The following TPPP2 variants were observed in gnomAD, a reference collection of about 807,000 sequenced individuals.
TPPP2 encodes tubulin polymerization-promoting protein family member 2.
Under a neutral mutation model 13.0 loss-of-function variants are expected in TPPP2, and 8 were observed. That is an observed-to-expected ratio of 0.62 (90% confidence interval 0.36 to 1.11). The LOEUF is 1.11. Among genes scored for constraint, TPPP2 ranks in the 50% most tolerant of loss-of-function variants. The pLI is 0.02. For synonymous variants in TPPP2, 81 were observed against 81.8 expected (o/e 0.99, Z 0.05); for missense variants, 213 against 216.9 (o/e 0.98, Z 0.11).
chr14:21,026,032 A>T (rs1594464152), upstream of TPPP2, among the ~76,000 whole-genome samples: 1 of 151,878 alleles, frequency 6.6e-6, no homozygotes, highest in East Asian at 2.0e-4. Context: ...CCGGCCCAGA[A>T]TAGGAGACCA....
intron 1 of TPPP2, chr14:21,024,665 T>TC (rs2139020000): frequency 2.0e-6 from 2 of 985,200 alleles, no homozygotes; most frequent in African/African-American, 3.5e-5. Flanking sequence ...TCTCCCGTTC[T>TC]CCCCCGACGG....
In TPPP2 at chr14:21,030,307, A is replaced by G. The variant is rs966790194; in HGVS notation, c.-70+3A>G. Reference sequence around the variant, plus strand: ...GACCACCATCCGGGTACTCTAAGGTACATAAAAGAGGTAGGGGAAAGAGAG... The same window carrying G: ...GACCACCATCCGGGTACTCTAAGGTGCATAAAAGAGGTAGGGGAAAGAGAG... On this transcript the variant is annotated splice_donor_region_variant and intron_variant, in intron 1 of 3. Coordinates refer to ENST00000321760, the MANE Select transcript of TPPP2 (RefSeq NM_173846.5). The G allele has an allele frequency of 7.1e-6, 3 of 424,850 alleles. No individual in the cohort carries two copies. The highest frequency in any genetic ancestry group is 1.3e-5 in the Non-Finnish European group (3 of 230,152). 26.3% of individuals were successfully genotyped at this position (424,850 alleles called of 1,614,324 possible).
downstream of TPPP2, chr14:21,033,358 A>G (rs78511375): frequency 0.03 from 8,286 of 278,680 alleles, 250 homozygotes; most frequent in East Asian, 0.12. Context: ...ATATCCCCTG[A>G]GTAGGTGGGT....
Position 21,032,620 on chromosome 14 carries a change from A to C in TPPP2, c.*543A>C, listed in dbSNP as rs1884301946. The C allele has an allele frequency of 2.9e-6, 1 of 343,192 alleles. No homozygotes were observed. The highest frequency in any genetic ancestry group is 2.2e-5 in the South Asian group (1 of 45,542). The allele number at this position is 343,192 out of a possible 1,614,324, so 21.3% of individuals were successfully genotyped here. On this transcript the variant is annotated 3_prime_UTR_variant, in exon 4 of 4. Coordinates refer to ENST00000321760, the MANE Select transcript of TPPP2 (RefSeq NM_173846.5). ...TTTGTTCCAGAGCTGGGGTAAGGGG[A>C]GAGTCTATTTTCAACACCCAGCCCA...
Position 21,025,105 on chromosome 14 carries a change from C to T in TPPP2, n.236+761C>T, listed in dbSNP as rs1365088848. 4 of 985,326 alleles carry T rather than the reference C, an allele frequency of 4.1e-6. No homozygotes were observed. The highest frequency in any genetic ancestry group is 2.4e-6 in the Non-Finnish European group (2 of 829,944). The allele number at this position is 985,326 out of a possible 1,614,324, so 61.0% of individuals were successfully genotyped here. On this transcript the variant is annotated intron_variant and non_coding_transcript_variant, in intron 1 of 1. Coordinates refer to the TPPP2 transcript ENST00000533755. The surrounding 1 kb of genome is among the most constrained non-coding windows in gnomAD (Gnocchi z 5.1). ...CCCCGGCTCGGGCTTCCCGCAGACCCGCCCCCGGCCCGCCCCAGCCCGCCC... is the reference window on the plus strand; with the variant it reads ...CCCCGGCTCGGGCTTCCCGCAGACCTGCCCCCGGCCCGCCCCAGCCCGCCC...
At chr14:21,033,948 A>T (rs770042282), downstream of TPPP2, 2 of 1,613,946 alleles carry the variant, frequency 1.2e-6, no homozygotes, top group Non-Finnish European at 1.7e-6. Flanking sequence ...TTGGTGGCTC[A>T]GGGAGCAGAC....
downstream of TPPP2, chr14:21,033,604 G>A: frequency 1.7e-6 from 1 of 590,060 alleles, no homozygotes; most frequent in Non-Finnish European, 3.0e-6. Flanking sequence ...GGAGGTGGGG[G>A]CGAAGAGGGG....
downstream of TPPP2, among the ~76,000 whole-genome samples, chr14:21,035,527 C>CA (rs1196843305): frequency 6.6e-6 from 1 of 152,220 alleles, no homozygotes; most frequent in African/African-American, 2.4e-5. Flanking sequence ...TGTTAGTCTG[C>CA]AAGGTGTCTT....
upstream of TPPP2, among the ~76,000 whole-genome samples, chr14:21,029,631 C>G (rs1188588707): frequency 5.9e-5 from 9 of 152,114 alleles, no homozygotes; most frequent in African/African-American, 1.9e-4. Flanking sequence ...AAATAAAATC[C>G]TAACTCCCAA....
chr14:21,030,531 C>T lies in TPPP2; in HGVS notation c.-51C>T, dbSNP rs775780442. The stretch of plus-strand genomic sequence containing the variant: ...TCCACAGTCCTCCCTCCCCCTTCTC[C>T]TTCACCCCCAAGTGTCTCCCACGAC... On this transcript the variant is annotated 5_prime_UTR_variant, in exon 2 of 4. Coordinates refer to ENST00000321760, the MANE Select transcript of TPPP2 (RefSeq NM_173846.5). 1 of 1,583,710 alleles carries T rather than the reference C, an allele frequency of 6.3e-7. No homozygotes were observed. The highest frequency in any genetic ancestry group is 1.2e-5 in the South Asian group (1 of 85,654).
At chr14:21,035,454 C>G (rs1884558756), downstream of TPPP2, among the ~76,000 whole-genome samples, 1 of 152,240 alleles carries the variant, frequency 6.6e-6, no homozygotes, top group South Asian at 2.1e-4. Context: ...TCATCAGAAT[C>G]AAAGAGCCAG....
At chr14:21,034,272 G>A (rs113995906), downstream of TPPP2, 25,933 of 1,611,602 alleles carry the variant, frequency 0.016, 304 homozygotes, top group Middle Eastern at 0.031. Flanking sequence ...AAGGAGCCGG[G>A]TCACAGCTGG....
upstream of TPPP2, among the ~76,000 whole-genome samples, chr14:21,026,530 C>T (rs1368833573): frequency 6.6e-6 from 1 of 151,092 alleles, no homozygotes; most frequent in Admixed American, 6.6e-5. Flanking sequence ...TCACCACCCG[C>T]AATACCCCTC....
At chr14:21,032,894 G>A (rs975339700), downstream of TPPP2, 16 of 454,022 alleles carry the variant, frequency 3.5e-5, no homozygotes, top group East Asian at 2.8e-4. Context: ...GAGGGGGCTC[G>A]TGTGCCCTTC....
intron 1 of TPPP2, chr14:21,024,720 G>A (rs1288773214): frequency 1.0e-6 from 1 of 985,326 alleles, no homozygotes; most frequent in Non-Finnish European, 1.2e-6. Context: ...TAGGACAGAG[G>A]AGACCGGCCG....
chr14:21,031,970 G>C lies in TPPP2; in HGVS notation c.406G>C (p.Glu136Gln), dbSNP rs140852840. ...YTGTHKERFD[E>Q]SGKGKGIAGR... Reference sequence around the variant, plus strand: ...CGGCACCCACAAGGAGCGCTTTGATGAGAGTGGCAAGGGCAAGGGCATTGC... The same window carrying C: ...CGGCACCCACAAGGAGCGCTTTGATCAGAGTGGCAAGGGCAAGGGCATTGC... The change falls in exon 4 of 4, where the codon GAG becomes CAG. Residue 136 changes from glutamate (E) to glutamine (Q), a missense_variant. By Grantham distance (29) the Glu-to-Gln change is conservative (BLOSUM62 2). Coordinates refer to ENST00000321760, the MANE Select transcript of TPPP2 (RefSeq NM_173846.5). 3.3e-4 allele frequency: 528 copies of C among 1,614,202 alleles called. 1 individual carries two copies. The highest frequency in any genetic ancestry group is 4.1e-4 in the Non-Finnish European group (481 of 1,180,034).
At chr14:21,026,091 C>T (rs1210783060), upstream of TPPP2, among the ~76,000 whole-genome samples, 2 of 152,046 alleles carry the variant, frequency 1.3e-5, no homozygotes, top group African/African-American at 4.8e-5. Flanking sequence ...TCAGGGTCTG[C>T]CGCGTCCCTC....
At chr14:21,036,294 T>G (rs1034698487), downstream of TPPP2, 6 of 456,004 alleles carry the variant, frequency 1.3e-5, no homozygotes, top group Admixed American at 2.4e-5. Flanking sequence ...TGTGATCCCT[T>G]CTTTCGTCTA....
rs762503372 is a variant in TPPP2, at chr14:21,030,553, C to G, written c.-29C>G. On this transcript the variant is annotated 5_prime_UTR_variant, in exon 2 of 4. Coordinates refer to ENST00000321760, the MANE Select transcript of TPPP2 (RefSeq NM_173846.5). The stretch of plus-strand genomic sequence containing the variant: ...CTCCTTCACCCCCAAGTGTCTCCCA[C>G]GACTGCCCTCCCCGACCTCTAGCTG... The G allele has an allele frequency of 6.2e-7, 1 of 1,607,312 alleles. No homozygotes were observed. The highest frequency in any genetic ancestry group is 1.1e-5 in the South Asian group (1 of 89,344).
Sources: allele counts gnomAD v4.1 joint callset (sites outside exome capture counted in the v4.1 genomes callset), GRCh38; gene constraint gnomAD v4.1.1; non-coding constraint Gnocchi (gnomAD v3.1); transcripts MANE v1.5; gene names NCBI Gene and HGNC (gene_info 2026-07-23, HGNC 2026-07-21).